Variants in PKIB observed in about 807,000 individuals in gnomAD.
The protein encoded by PKIB is cAMP-dependent protein kinase inhibitor beta.
In PKIB, 2 loss-of-function variants were observed where a neutral mutation model predicts 4.5. The ratio of observed to expected loss-of-function variants is 0.44; its 90% CI spans 0.18 to 1.39. PKIB has a LOEUF of 1.39. Among genes scored for constraint, PKIB ranks in the 40% most tolerant of loss-of-function variants. The probability of loss-of-function intolerance (pLI) is 0.27; values close to 1 mark genes in which losing one functional copy is unlikely to be tolerated. For missense variants in PKIB, 94 were observed against 92.6 expected (o/e 1.02, Z -0.06); for synonymous variants, 38 against 36.0 (o/e 1.06, Z -0.20).
intron 3 of PKIB, among the ~76,000 whole-genome samples, chr6:122,710,969 C>T (rs773466725): frequency 2.6e-5 from 4 of 152,094 alleles, no homozygotes; most frequent in South Asian, 2.1e-4. Flanking sequence ...TCTTCAAATC[C>T]GTGCTAAATC....
chr6:122,588,863 G>A (rs1773931556), intron 3 of PKIB, among the ~76,000 whole-genome samples: 1 of 152,118 alleles, frequency 6.6e-6, no homozygotes, highest in Non-Finnish European at 1.5e-5. Flanking sequence ...ACAGAAACTT[G>A]GAGAGGCTGC....
chr6:122,688,747 A>G (rs963572403), intron 3 of PKIB, among the ~76,000 whole-genome samples: 2 of 150,674 alleles, frequency 1.3e-5, no homozygotes, highest in African/African-American at 4.9e-5. Context: ...AATTTATTCC[A>G]TATAGTTACT....
At chr6:122,542,496 C>T (rs958604507) in intron 2 of PKIB, among the ~76,000 whole-genome samples, 2 of 152,010 alleles carry the variant, frequency 1.3e-5, no homozygotes, top group African/African-American at 4.8e-5. Flanking sequence ...TGCAGAACAG[C>T]GGTGGCTATA....
chr6:122,631,172 A>G (rs541079440), intron 1 of PKIB, among the ~76,000 whole-genome samples: 1 of 152,298 alleles, frequency 6.6e-6, no homozygotes, highest in African/African-American at 2.4e-5. Context: ...GAGAATAGGG[A>G]CATATTTTCT....
chr6:122,639,375 T>A (rs1200724219), intron 2 of PKIB, among the ~76,000 whole-genome samples: 4 of 152,232 alleles, frequency 2.6e-5, no homozygotes, highest in Admixed American at 2.6e-4. Context: ...TTCTTAGTGA[T>A]CAAAGTCATT....
chr6:122,668,692 A>G (rs1777329368), intron 2 of PKIB, among the ~76,000 whole-genome samples: 1 of 152,224 alleles, frequency 6.6e-6, no homozygotes, highest in African/African-American at 2.4e-5. Flanking sequence ...GGCCTAGTAT[A>G]ACATTGCCTG....
chr6:122,715,625 T>G (rs1779456309), intron 3 of PKIB, among the ~76,000 whole-genome samples: 1 of 147,556 alleles, frequency 6.8e-6, no homozygotes, highest in South Asian at 2.2e-4. Context: ...AGAGAGAGAT[T>G]ATTTCATCAC....
At chr6:122,513,783 T>C (rs1486336764) in intron 2 of PKIB, among the ~76,000 whole-genome samples, 1 of 152,230 alleles carries the variant, frequency 6.6e-6, no homozygotes, top group Admixed American at 6.5e-5. Flanking sequence ...TCCAGCTGTA[T>C]CTATGTTGCT....
At chr6:122,708,083 G>A (rs992166514) in intron 3 of PKIB, among the ~76,000 whole-genome samples, 1 of 152,152 alleles carries the variant, frequency 6.6e-6, no homozygotes, top group Non-Finnish European at 1.5e-5. Flanking sequence ...AAAAACAAAA[G>A]CTCTGCTTTG....
chr6:122,700,179 G>GTTGTTT (rs1471862967), intron 3 of PKIB, among the ~76,000 whole-genome samples: 1 of 129,230 alleles, frequency 7.7e-6, no homozygotes, highest in African/African-American at 3.2e-5. Flanking sequence ...TGTTGTTGTT[G>GTTGTTT]TTGTTGTTGT....
At chr6:122,715,076 C>T (rs919681118) in intron 3 of PKIB, among the ~76,000 whole-genome samples, 16 of 150,874 alleles carry the variant, frequency 1.1e-4, no homozygotes, top group African/African-American at 2.7e-4. Flanking sequence ...TGAGCCACCA[C>T]GCTGAGCCAA....
At chr6:122,499,874 C>T (rs1266713966) in intron 2 of PKIB, among the ~76,000 whole-genome samples, 1 of 152,140 alleles carries the variant, frequency 6.6e-6, no homozygotes, top group African/African-American at 2.4e-5. Context: ...TTTCAGGATA[C>T]AAAATTTATG....
chr6:122,594,893 C>T (rs1774129860), intron 3 of PKIB, among the ~76,000 whole-genome samples: 1 of 152,118 alleles, frequency 6.6e-6, no homozygotes, highest in South Asian at 2.1e-4. Context: ...CTGATTTCAT[C>T]TATAGTCTGA....
intron 2 of PKIB, among the ~76,000 whole-genome samples, chr6:122,527,543 G>T (rs548904815): frequency 6.6e-6 from 1 of 152,220 alleles, no homozygotes; most frequent in East Asian, 1.9e-4. Flanking sequence ...GATCCAAGGG[G>T]ATGAAGAGAG....
chr6:122,542,468 G>T (rs967233746), intron 2 of PKIB, among the ~76,000 whole-genome samples: 2 of 152,040 alleles, frequency 1.3e-5, no homozygotes, highest in African/African-American at 4.8e-5. Flanking sequence ...TGTTTGCCTG[G>T]GTATCAGCAG....
At position 122,487,499 on chromosome 6, in the gene PKIB, A is replaced by G. The variant is rs117241006; in HGVS notation, c.-248+9560A>G. On this transcript the variant is annotated intron_variant, in intron 2 of 6. Transcript: ENST00000392491. ...TGGGAGGTGATGAGGTTGTTAGGGG[A>G]CAGCCTTCATGATTGGGATTTATGC... Among the ~76,000 whole-genome samples the G allele has an allele frequency of 2.2e-3, 339 of 152,266 alleles. 8 individuals carry two copies. In the East Asian group the frequency reaches 0.044, roughly 20 times the overall value.
chr6:122,524,195 CTTCT>C (rs1777029174), intron 2 of PKIB, among the ~76,000 whole-genome samples: 1 of 147,750 alleles, frequency 6.8e-6, no homozygotes, highest in South Asian at 2.3e-4. Context: ...TCCTCCTCTT[CTTCT>C]TTCTTCTTCC....
At chr6:122,702,356 G>A in intron 3 of PKIB, among the ~76,000 whole-genome samples, 1 of 125,760 alleles carries the variant, frequency 8.0e-6, no homozygotes, top group African/African-American at 3.1e-5. Context: ...TTGAGATGGA[G>A]TCTCACTCTG....
At chr6:122,577,017 A>G (rs1773563030) in intron 2 of PKIB, among the ~76,000 whole-genome samples, 1 of 152,110 alleles carries the variant, frequency 6.6e-6, no homozygotes, top group African/African-American at 2.4e-5. Flanking sequence ...AAACATTGGA[A>G]CACTTACCAT....
Sources: allele counts gnomAD v4.1 joint callset (sites outside exome capture counted in the v4.1 genomes callset), GRCh38; gene constraint gnomAD v4.1.1; transcripts MANE v1.5; gene names NCBI Gene and HGNC (gene_info 2026-07-23, HGNC 2026-07-21).